FANK1: variants seen among roughly 807,000 people sequenced by gnomAD.
FANK1 encodes fibronectin type III and ankyrin repeat domains 1, also known as fibronectin type 3 and ankyrin repeat domains protein 1.
FANK1 carries 44 observed loss-of-function variants against 45.3 expected under a neutral mutation model. That is an observed-to-expected ratio of 0.97 (90% confidence interval 0.76 to 1.25). The LOEUF (loss-of-function observed/expected upper bound fraction) is 1.25. FANK1 is among the 50% of genes most tolerant of loss of function. The pLI is 0.00. For missense variants in FANK1, 391 were observed against 424.4 expected, an observed-to-expected ratio of 0.92 and a Z score of 0.69; for synonymous variants, 149 against 152.5, an observed-to-expected ratio of 0.98 and a Z score of 0.17.
At chr10:125,917,271 T>G (rs79733569) in intron 1 of FANK1, among the ~76,000 whole-genome samples, 2 of 149,312 alleles carry the variant, frequency 1.3e-5, no homozygotes, top group Admixed American at 6.7e-5. Flanking sequence ...CTGCTTTAAC[T>G]ATTACAAAAA....
chr10:125,979,633 T>C (rs1204592910), intron 1 of FANK1, among the ~76,000 whole-genome samples: 3 of 152,226 alleles, frequency 2.0e-5, no homozygotes, highest in Admixed American at 2.0e-4. Context: ...TTTCCAGATA[T>C]TACCTTGGCA....
chr10:126,008,373 T>G (rs761185847), intron 7 of FANK1, 34 bp from the exon 8 acceptor site: 4 of 1,537,076 alleles, frequency 2.6e-6, no homozygotes, highest in Non-Finnish European at 2.6e-6. Context: ...AAAAAGAAAT[T>G]GGGCTCAACA....
At chr10:125,981,938 G>A (rs971968242) in intron 2 of FANK1, among the ~76,000 whole-genome samples, 2 of 152,156 alleles carry the variant, frequency 1.3e-5, no homozygotes, top group African/African-American at 4.8e-5. Context: ...GTATATGAAA[G>A]CTCCAATTTC....
intron 1 of FANK1, among the ~76,000 whole-genome samples, chr10:125,961,808 A>G (rs1949945323): frequency 6.6e-6 from 1 of 152,146 alleles, no homozygotes; most frequent in Non-Finnish European, 1.5e-5. Flanking sequence ...GCCAGATGTG[A>G]TGGTATGTAC....
intron 3 of FANK1, chr10:125,989,455 C>A: frequency 9.2e-7 from 1 of 1,086,276 alleles, no homozygotes; most frequent in Non-Finnish European, 1.4e-6. Context: ...GAGGTATGTG[C>A]TTTCCATGGC....
Position 125,904,852 on chromosome 10 carries a change from G to A in FANK1, c.13+8197G>A, listed in dbSNP as rs113021570. Among the ~76,000 whole-genome samples the A allele has an allele frequency of 1.8e-4, 28 of 152,046 alleles. No homozygotes were observed. The East Asian group carries it at 5.0e-3, about 27-fold the overall frequency. On this transcript the variant is annotated intron_variant, in intron 1 of 10. Transcript: ENST00000368693. ...TTCTCTTAAAAGTTTCTGGCCGGGCGCGGTGGCTCACGCCTGTAATCCCAG... is the reference window on the plus strand; with the variant it reads ...TTCTCTTAAAAGTTTCTGGCCGGGCACGGTGGCTCACGCCTGTAATCCCAG...
chr10:126,004,177 A>G (rs1002174122), intron 6 of FANK1: 61 of 150,762 alleles, frequency 4.0e-4, no homozygotes, highest in African/African-American at 1.4e-3. Flanking sequence ...AAAAAAAAAA[A>G]AAAGAAAATA....
intron 6 of FANK1, among the ~76,000 whole-genome samples, chr10:126,000,897 A>G (rs974202224): frequency 1.3e-5 from 2 of 152,228 alleles, no homozygotes; most frequent in African/African-American, 4.8e-5. Context: ...TTATAGCAGA[A>G]TCAATATAAG....
chr10:125,965,726 T>C (rs1425436753), intron 1 of FANK1, among the ~76,000 whole-genome samples: 1 of 152,202 alleles, frequency 6.6e-6, no homozygotes, highest in African/African-American at 2.4e-5. Context: ...CCTGTATGAT[T>C]TTTTGCTTAG....
chr10:125,963,368 C>A (rs1028173733), intron 1 of FANK1, among the ~76,000 whole-genome samples: 7 of 152,160 alleles, frequency 4.6e-5, no homozygotes, highest in African/African-American at 1.4e-4. Flanking sequence ...ACTAGAAATA[C>A]CATTTGACCC....
rs1263048463 is a variant in FANK1, at chr10:125,911,143, C to T, written c.13+14488C>T. Among the ~76,000 whole-genome samples, 7 of 152,108 alleles carry T rather than the reference C, an allele frequency of 4.6e-5. No homozygotes were observed. The East Asian group carries it at 1.4e-3, about 29-fold the overall frequency. On this transcript the variant is annotated intron_variant, in intron 1 of 10. Transcript: ENST00000368693. ...AAGGATTGTGAGATGGGCAGAGGAG[C>T]GTGTATCATCCAGGTGGGCACGATG... is the stretch of plus-strand genomic sequence containing the variant.
chr10:125,928,261 C>CTTTT lies in FANK1; in HGVS notation c.13+31621_13+31624dup, dbSNP rs34889746. Among the ~76,000 whole-genome samples, 37 of 137,696 alleles carry CTTTT rather than the reference C, an allele frequency of 2.7e-4. 4 individuals carry two copies. The highest frequency in any genetic ancestry group is 4.6e-4 in the African/African-American group (17 of 36,590). 90.3% of individuals were successfully genotyped at this position (137,696 alleles called of 152,430 possible). A position where few individuals can be genotyped will look rare whatever the true frequency, so the allele number is the denominator to read the frequency against. ...TAAACAAGGGGTGGATTATTCGTGCCTTTTTTTTTTTTTTTTTTAAAGACC... is the reference window on the plus strand; with the variant it reads ...TAAACAAGGGGTGGATTATTCGTGCCTTTTTTTTTTTTTTTTTTTTTTAAAGACC... On this transcript the variant is annotated intron_variant, in intron 1 of 10. Transcript: ENST00000368693.
chr10:125,916,395 T>A (rs1946449229), intron 1 of FANK1, among the ~76,000 whole-genome samples: 1 of 151,758 alleles, frequency 6.6e-6, no homozygotes, highest in Non-Finnish European at 1.5e-5. Context: ...TCACATAGGT[T>A]TATGAAGAAG....
At chr10:125,972,940 A>G (rs1950614810) in intron 1 of FANK1, 1 of 152,354 alleles carries the variant, frequency 6.6e-6, no homozygotes, top group Admixed American at 6.6e-5. Context: ...ACACGAACCA[A>G]CTTTCCAAGC....
chr10:125,974,337 C>T (rs530562487), intron 1 of FANK1, among the ~76,000 whole-genome samples: 1 of 152,252 alleles, frequency 6.6e-6, no homozygotes, highest in African/African-American at 2.4e-5. Flanking sequence ...CCTGGGTCTT[C>T]AGAGGGTGCT....
intron 1 of FANK1, among the ~76,000 whole-genome samples, chr10:125,975,500 A>G (rs1026072084): frequency 2.0e-5 from 3 of 152,100 alleles, no homozygotes; most frequent in Non-Finnish European, 2.9e-5. Context: ...GCCAGCATCT[A>G]TTATTTTTTT....
intron 1 of FANK1, among the ~76,000 whole-genome samples, chr10:125,921,157 T>C (rs1313390218): frequency 6.6e-6 from 1 of 152,242 alleles, no homozygotes; most frequent in Non-Finnish European, 1.5e-5. Flanking sequence ...TGTATTATGT[T>C]TGTTTTTGGT....
chr10:125,962,449 C>T (rs549386878), intron 1 of FANK1, among the ~76,000 whole-genome samples: 4 of 152,188 alleles, frequency 2.6e-5, no homozygotes, highest in East Asian at 3.9e-4. Flanking sequence ...TACAATTACA[C>T]GTATGTTAGA....
At chr10:125,973,529 A>G (rs1391460293) in intron 1 of FANK1, 1 of 892,548 alleles carries the variant, frequency 1.1e-6, no homozygotes, top group Non-Finnish European at 1.3e-6. Flanking sequence ...CTTCTTCCAC[A>G]TGTATCCCTC....
Sources: allele counts gnomAD v4.1 joint callset (sites outside exome capture counted in the v4.1 genomes callset), GRCh38; gene constraint gnomAD v4.1.1; transcripts MANE v1.5; gene names NCBI Gene and HGNC (gene_info 2026-07-23, HGNC 2026-07-21).